ARMC9: variants seen among roughly 807,000 people sequenced by gnomAD.
The protein encoded by ARMC9 is armadillo repeat containing 9.
Under a neutral mutation model 107.0 loss-of-function variants are expected in ARMC9, and 94 were observed. The ratio of observed to expected loss-of-function variants is 0.88; its 90% CI spans 0.74 to 1.04. The LOEUF (loss-of-function observed/expected upper bound fraction) is 1.04. Ranked by LOEUF, ARMC9 falls within the 50% of genes least tolerant of loss-of-function variation. The pLI is 0.00. For synonymous variants in ARMC9, 380 were observed against 396.9 expected (o/e 0.96, Z 0.51); for missense variants, 942 against 1,030.1 (o/e 0.91, Z 1.17).
intron 6 of ARMC9, among the ~76,000 whole-genome samples, chr2:231,225,466 C>CT (rs1452742517): frequency 2.0e-5 from 3 of 152,172 alleles, no homozygotes; most frequent in African/African-American, 7.2e-5. Context: ...ACTCAAATGT[C>CT]TATCATCTTA....
chr2:231,204,602 A>C (rs1184038282), intron 1 of ARMC9, among the ~76,000 whole-genome samples: 1 of 151,982 alleles, frequency 6.6e-6, no homozygotes, highest in East Asian at 1.9e-4. Flanking sequence ...TGTGCCAGGC[A>C]CTGGTCTAGG....
intron 23 of ARMC9, among the ~76,000 whole-genome samples, chr2:231,363,399 C>T (rs1191623930): frequency 6.6e-6 from 1 of 152,040 alleles, no homozygotes; most frequent in Non-Finnish European, 1.5e-5. Context: ...CAGTGGTAGA[C>T]TGAATGATGG....
At chr2:231,323,040 C>T (rs147073673) in intron 19 of ARMC9, among the ~76,000 whole-genome samples, 25 of 152,238 alleles carry the variant, frequency 1.6e-4, no homozygotes, top group Non-Finnish European at 2.8e-4. Context: ...ATTCTTTCCC[C>T]GAGCAGGGCA....
chr2:231,326,195 C>G (rs1451099505), intron 19 of ARMC9, among the ~76,000 whole-genome samples: 1 of 152,190 alleles, frequency 6.6e-6, no homozygotes, highest in Non-Finnish European at 1.5e-5. Flanking sequence ...AGGGGCTGCC[C>G]CAAGCTTAAA....
chr2:231,297,524 C>T lies in ARMC9; in HGVS notation c.1773+1271C>T, dbSNP rs981177512. The stretch of plus-strand genomic sequence containing the variant: ...GCCATTGTAACACGGTGGCTGTCAG[C>T]AGTACATAAGTGGCTGAACGTGGCT... On this transcript the variant is annotated intron_variant, in intron 19 of 24. Transcript: ENST00000611582. The surrounding 1 kb of genome is among the most constrained non-coding windows in gnomAD (Gnocchi z 4.2). Among the ~76,000 whole-genome samples the T allele has an allele frequency of 6.6e-6, 1 of 152,200 alleles. No individual in the cohort carries two copies. The highest frequency in any genetic ancestry group is 2.4e-5 in the African/African-American group (1 of 41,448).
At chr2:231,288,757 G>A (rs1039481894) in intron 17 of ARMC9, 3 of 470,706 alleles carry the variant, frequency 6.4e-6, no homozygotes, top group Admixed American at 2.3e-5. Context: ...CGGCCGGCGA[G>A]GGGCTACGCA....
chr2:231,267,369 T>C (rs1186837414), intron 12 of ARMC9, among the ~76,000 whole-genome samples: 5 of 152,214 alleles, frequency 3.3e-5, no homozygotes, highest in African/African-American at 4.8e-5. Context: ...TGGCTGGGAC[T>C]ACAGGTGCGC....
chr2:231,256,302 G>A lies in ARMC9; in HGVS notation c.880-284G>A, dbSNP rs150983164. 2.4e-4 allele frequency: 379 copies of A among 1,555,204 alleles called. 7 individuals are homozygous for A. In the East Asian group the frequency reaches 4.2e-3, roughly 17 times the overall value. The stretch of plus-strand genomic sequence containing the variant: ...TCAGAGCGAGAAGCCCGGAGGTTGC[G>A]CTGAGCTTGCTTGCTCGCTGGGTCT... On this transcript the variant is annotated intron_variant, in intron 9 of 24. Coordinates refer to ENST00000611582, the MANE Select transcript of ARMC9 (RefSeq NM_001352754.2).
intron 16 of ARMC9, among the ~76,000 whole-genome samples, chr2:231,281,549 G>A (rs1444621142): frequency 1.3e-5 from 2 of 152,178 alleles, no homozygotes; most frequent in Non-Finnish European, 2.9e-5. Context: ...GCTATAGAAT[G>A]TTGGTAGTGA....
At chr2:231,290,955 T>G (rs2040947532) in intron 17 of ARMC9, among the ~76,000 whole-genome samples, 1 of 151,368 alleles carries the variant, frequency 6.6e-6, no homozygotes, top group Non-Finnish European at 1.5e-5. Context: ...CAATAGTTTT[T>G]TTTTTTTTTT....
At position 231,365,712 on chromosome 2, in the gene ARMC9, C is replaced by A. The variant is rs548212632; in HGVS notation, c.2262-4241C>A. 6.0e-5 allele frequency among the ~76,000 whole-genome samples: 9 copies of A among 150,932 alleles called. No individual in the cohort carries two copies. In the South Asian group the frequency reaches 1.9e-3, roughly 32 times the overall value. ...CAGCCGCACACACAGCAGATAGGAC[C>A]CAGCCGCACACACAGCTCCCATGCC... On this transcript the variant is annotated intron_variant, in intron 23 of 24. Transcript: ENST00000611582.
At chr2:231,335,901 C>G (rs1456249475) in intron 20 of ARMC9, among the ~76,000 whole-genome samples, 1 of 151,838 alleles carries the variant, frequency 6.6e-6, no homozygotes, top group Non-Finnish European at 1.5e-5. Context: ...TGTAGGGAAA[C>G]CTTGTCTTTC....
At chr2:231,273,170 C>A in intron 14 of ARMC9, 92 bp downstream of exon 14, 1 of 1,502,762 alleles carries the variant, frequency 6.7e-7, no homozygotes, top group Admixed American at 2.0e-5. Flanking sequence ...GGTATTTTTC[C>A]ACTACACTTT....
rs769177567 is a variant in ARMC9, at chr2:231,235,309, C to T, written c.708C>T (p.Ala236=). The T allele has an allele frequency of 5.6e-6, 9 of 1,614,084 alleles. No homozygotes were observed. The highest frequency in any genetic ancestry group is 1.3e-5 in the African/African-American group (1 of 74,936). Residue 236 remains alanine (A), a synonymous_variant, in exon 8 of 25, where the codon GCC becomes GCT. Coordinates refer to ENST00000611582, the MANE Select transcript of ARMC9 (RefSeq NM_001352754.2). ...TCAAACGGTACAATAAGATCCAGGC[C>T]GACTACCACAATCTCATTGGAGTCA... The part of the protein sequence containing the change: ...TYLKRYNKIQ[A]DYHNLIGVTA...
chr2:231,234,150 A>G (rs1182143475), intron 7 of ARMC9, among the ~76,000 whole-genome samples: 2 of 152,238 alleles, frequency 1.3e-5, no homozygotes, highest in African/African-American at 2.4e-5. Flanking sequence ...GATCAGGACA[A>G]TAGTGAGTTA....
chr2:231,264,079 G>A (rs906871649), intron 12 of ARMC9, among the ~76,000 whole-genome samples: 3 of 152,266 alleles, frequency 2.0e-5, no homozygotes, highest in African/African-American at 7.2e-5. Context: ...AAGGTGTGTT[G>A]GGTTTTGTCA....
Position 231,297,026 on chromosome 2 carries a change from G to GT in ARMC9, c.1773+780dup, listed in dbSNP as rs1160423967. Among the ~76,000 whole-genome samples the GT allele has an allele frequency of 2.0e-5, 3 of 152,174 alleles. No homozygotes were observed. Among genetic ancestry groups the GT allele is most frequent in the Non-Finnish European group, 4.4e-5 (3 of 68,024 alleles). ...ACTGAAAAAGTGGATGTCAGAGGATGTTTTTTTGTTTGGAGTCGTGGCCTA... is the reference window on the plus strand; with the variant it reads ...ACTGAAAAAGTGGATGTCAGAGGATGTTTTTTTTGTTTGGAGTCGTGGCCTA... On this transcript the variant is annotated intron_variant, in intron 19 of 24. Transcript: ENST00000611582. This position sits in a 1 kb window ranked among gnomAD's most constrained non-coding sequence, Gnocchi z 4.2.
intron 10 of ARMC9, 96 bp from the exon 11 acceptor site, chr2:231,258,895 C>A: frequency 8.7e-7 from 1 of 1,154,352 alleles, no homozygotes; most frequent in Non-Finnish European, 1.3e-6. Flanking sequence ...CCCATGGGAA[C>A]AGCAGGCTCT....
At chr2:231,345,239 A>G (rs2044753457) in intron 21 of ARMC9, 149 bp downstream of exon 21, 1 of 1,407,882 alleles carries the variant, frequency 7.1e-7, no homozygotes. Context: ...TTGGAGGGAA[A>G]GAGGTTGAGT....
Sources: allele counts gnomAD v4.1 joint callset (sites outside exome capture counted in the v4.1 genomes callset), GRCh38; gene constraint gnomAD v4.1.1; non-coding constraint Gnocchi (gnomAD v3.1); transcripts MANE v1.5; gene names NCBI Gene and HGNC (gene_info 2026-07-23, HGNC 2026-07-21).